RPS6KA1: variants seen among roughly 807,000 people sequenced by gnomAD.
RPS6KA1 encodes ribosomal protein S6 kinase A1.
A neutral mutation model predicts 91.3 loss-of-function variants in RPS6KA1; 48 were observed. That is an observed-to-expected ratio of 0.53 (90% confidence interval 0.42 to 0.67). The LOEUF is 0.67. Among genes scored for constraint, RPS6KA1 ranks in the 30% least tolerant of loss-of-function variants. The pLI is 0.00. For missense variants in RPS6KA1, 719 were observed against 960.5 expected, an observed-to-expected ratio of 0.75 and a Z score of 3.32; for synonymous variants, 359 against 384.7, an observed-to-expected ratio of 0.93 and a Z score of 0.78.
chr1:26,572,071 C>A, intron 19 of RPS6KA1, 105 bp from the exon 20 acceptor site: 1 of 1,308,640 alleles, frequency 7.6e-7, no homozygotes, highest in Non-Finnish European at 1.1e-6. Flanking sequence ...AGGAGCTCTA[C>A]CTTGGGAGTA....
At chr1:26,549,342 G>A (rs2076025629) in intron 4 of RPS6KA1, among the ~76,000 whole-genome samples, 1 of 151,928 alleles carries the variant, frequency 6.6e-6, no homozygotes, top group Admixed American at 6.6e-5. Context: ...AGGCCAAGGT[G>A]GGTGGATCAT....
Position 26,561,021 on chromosome 1 carries a change from G to GCCACATGC in RPS6KA1, c.1342-23_1342-16dup. 6.2e-7 allele frequency: 1 copy of GCCACATGC among 1,610,278 alleles called. No homozygotes were observed. The highest frequency in any genetic ancestry group is 8.5e-7 in the Non-Finnish European group (1 of 1,177,272). ...CCCTGGACCCTGTCACCCTGACACT[G>GCCACATGC]CCACATGCACCCCCTTTCTTCAGGT... On this transcript the variant is annotated intron_variant, in intron 15 of 21. Transcript: ENST00000374168. This position sits in a 1 kb window ranked among gnomAD's most constrained non-coding sequence, Gnocchi z 5.7.
At chr1:26,556,130 A>G (rs1295625810) in intron 11 of RPS6KA1, 2 of 202,320 alleles carry the variant, frequency 9.9e-6, no homozygotes, top group African/African-American at 4.6e-5. Flanking sequence ...GGCTCTGTTG[A>G]TGAAATGAGG....
chr1:26,547,339 C>A lies in RPS6KA1; in HGVS notation c.307+69C>A. 2.2e-6 allele frequency: 3 copies of A among 1,339,770 alleles called. No individual in the cohort carries two copies. The highest frequency in any genetic ancestry group is 3.2e-6 in the Non-Finnish European group (3 of 948,026). The allele number at this position is 1,339,770 out of a possible 1,614,324, so 83.0% of individuals were successfully genotyped here. A position where few individuals can be genotyped will look rare whatever the true frequency, so the allele number is the denominator to read the frequency against. On this transcript the variant is annotated intron_variant, in intron 4 of 21. Transcript: ENST00000374168. This position sits in a 1 kb window ranked among gnomAD's most constrained non-coding sequence, Gnocchi z 4.1. ...GGGAGGCAGCCCAGACTTCAAGGGC[C>A]TTGGGTCTGGCAAGGGAGACAGCTC...
chr1:26,538,525 A>G (rs1570421685), intron 2 of RPS6KA1, among the ~76,000 whole-genome samples: 1 of 152,182 alleles, frequency 6.6e-6, no homozygotes, highest in African/African-American at 2.4e-5. Context: ...CTGGAGATGG[A>G]TGGGACATGG....
chr1:26,571,814 C>T lies in RPS6KA1; in HGVS notation c.1753-35C>T. ...CATCTGTGGCGACTTTCTACTGCCC[C>T]CCCAGACTGACCACCTCCCCTGCCC... On this transcript the variant is annotated intron_variant, in intron 18 of 21. Transcript: ENST00000374168. This position sits in a 1 kb window ranked among gnomAD's most constrained non-coding sequence, Gnocchi z 5.1. The T allele has an allele frequency of 1.3e-6, 2 of 1,596,822 alleles. No individual in the cohort carries two copies. Among genetic ancestry groups the T allele is most frequent in the South Asian group, 1.1e-5 (1 of 90,264 alleles).
At chr1:26,531,007 A>G in intron 1 of RPS6KA1, 1 of 864,572 alleles carries the variant, frequency 1.2e-6, no homozygotes, top group Non-Finnish European at 1.5e-6. Context: ...TTGGGCCTGG[A>G]GCCCCTGTCT....
At chr1:26,530,820 C>G (rs2075862055) in intron 1 of RPS6KA1, 1 of 1,288,684 alleles carries the variant, frequency 7.8e-7, no homozygotes, top group Admixed American at 2.3e-5. Flanking sequence ...CTTCCTGTGC[C>G]TTTTGACCCC....
intron 17 of RPS6KA1, among the ~76,000 whole-genome samples, chr1:26,565,821 C>T (rs952822295): frequency 3.3e-5 from 5 of 152,196 alleles, no homozygotes; most frequent in Non-Finnish European, 7.3e-5. Context: ...CTCGGCCTCC[C>T]AAAGTGCTGG....
At chr1:26,560,689 G>C in intron 14 of RPS6KA1, 37 bp from the exon 15 acceptor site, 1 of 1,613,784 alleles carries the variant, frequency 6.2e-7, no homozygotes, top group Non-Finnish European at 8.5e-7. Flanking sequence ...TAGCACTCTA[G>C]AGCCAGGGGT....
intron 19 of RPS6KA1, 29 bp from the exon 20 acceptor site, chr1:26,572,147 G>A: frequency 1.3e-6 from 2 of 1,584,636 alleles, no homozygotes; most frequent in Non-Finnish European, 1.7e-6. Context: ...GCCAGAGTCT[G>A]TACCCAGACC....
rs1219724659 is a variant in RPS6KA1 at position 26,558,333 on chromosome 1, G to C, written c.1085-474G>C. On this transcript the variant is annotated intron_variant, in intron 13 of 21. Coordinates refer to ENST00000374168, the MANE Select transcript of RPS6KA1 (RefSeq NM_002953.4). This position sits in a 1 kb window ranked among gnomAD's most constrained non-coding sequence, Gnocchi z 4.0. Reference sequence around the variant, plus strand: ...CTAAGGATCTGAGAAGTCCAACATGGCTCAGCTGTGGTATGGAGAGAGAGG... The same window carrying C: ...CTAAGGATCTGAGAAGTCCAACATGCCTCAGCTGTGGTATGGAGAGAGAGG... Among the ~76,000 whole-genome samples, 1 of 152,198 alleles carries C rather than the reference G, an allele frequency of 6.6e-6. No individual in the cohort carries two copies. Among genetic ancestry groups the C allele is most frequent in the Non-Finnish European group, 1.5e-5 (1 of 68,034 alleles).
At position 26,551,435 on chromosome 1, in the gene RPS6KA1, C is replaced by T; in HGVS notation, c.346C>T (p.Leu116=). ...CCGGACCAAGATGGAGAGAGACATCCTGGCTGATGTAAATCACCCATTCGT... is the reference window on the plus strand; with the variant it reads ...CCGGACCAAGATGGAGAGAGACATCTTGGCTGATGTAAATCACCCATTCGT... ...RVRTKMERDI[L]ADVNHPFVVK... The change falls in exon 5 of 22, where the codon CTG becomes TTG. Residue 116 remains leucine (L), a synonymous_variant. Coordinates refer to ENST00000374168, the MANE Select transcript of RPS6KA1 (RefSeq NM_002953.4). This position sits in a 1 kb window ranked among gnomAD's most constrained non-coding sequence, Gnocchi z 4.5. The T allele has an allele frequency of 1.2e-6, 2 of 1,614,184 alleles. No homozygotes were observed. The highest frequency in any genetic ancestry group is 2.2e-5 in the South Asian group (2 of 91,080).
chr1:26,548,132 G>T (rs1354929046), intron 4 of RPS6KA1, among the ~76,000 whole-genome samples: 1 of 152,140 alleles, frequency 6.6e-6, no homozygotes, highest in African/African-American at 2.4e-5. Flanking sequence ...GGTGGCTTTG[G>T]TATCCTAAGG....
At chr1:26,541,154 T>G (rs2075944000) in intron 2 of RPS6KA1, among the ~76,000 whole-genome samples, 1 of 151,164 alleles carries the variant, frequency 6.6e-6, no homozygotes, top group Non-Finnish European at 1.5e-5. Context: ...CCCAGCTTAC[T>G]CCATAGGCTG....
At chr1:26,542,005 C>A (rs1202392306) in intron 2 of RPS6KA1, among the ~76,000 whole-genome samples, 1 of 152,190 alleles carries the variant, frequency 6.6e-6, no homozygotes, top group South Asian at 2.1e-4. Flanking sequence ...TGTCCTCCCC[C>A]CGCCCGCCAC....
Position 26,558,017 on chromosome 1 carries a change from C to CG in RPS6KA1, c.1085-786dup, listed in dbSNP as rs945331576. Among the ~76,000 whole-genome samples, 2 of 151,690 alleles carry CG rather than the reference C, an allele frequency of 1.3e-5. No individual in the cohort carries two copies. The highest frequency in any genetic ancestry group is 1.3e-4 in the Admixed American group (2 of 15,188). The stretch of plus-strand genomic sequence containing the variant: ...CTAATTTTTGTATTTTTAGTAGAGA[C>CG]GGGGTTTCACCATGTTGGCCAGGCT... On this transcript the variant is annotated intron_variant, in intron 13 of 21. Transcript: ENST00000374168. This position sits in a 1 kb window ranked among gnomAD's most constrained non-coding sequence, Gnocchi z 4.0.
At position 26,558,152 on chromosome 1, in the gene RPS6KA1, G is replaced by A. The variant is rs1207194679; in HGVS notation, c.1085-655G>A. 1.3e-5 allele frequency among the ~76,000 whole-genome samples: 2 copies of A among 152,170 alleles called. No homozygotes were observed. Among genetic ancestry groups the A allele is most frequent in the East Asian group, 1.9e-4 (1 of 5,186 alleles). ...TTCTCCAAGCAGTCCGCTGGGCAAC[G>A]TGACAAGTGCAGCTTCGTAGGAGTC... On this transcript the variant is annotated intron_variant, in intron 13 of 21. Coordinates refer to ENST00000374168, the MANE Select transcript of RPS6KA1 (RefSeq NM_002953.4). The surrounding 1 kb of genome is among the most constrained non-coding windows in gnomAD (Gnocchi z 4.0).
chr1:26,545,304 G>A (rs1192796722), intron 2 of RPS6KA1, among the ~76,000 whole-genome samples: 1 of 150,850 alleles, frequency 6.6e-6, no homozygotes, highest in African/African-American at 2.4e-5. Context: ...GAATAGCTGG[G>A]ACTACAGGAG....
Sources: gnomAD v4.1 joint callset for allele counts (sites outside exome capture counted in the v4.1 genomes callset) on GRCh38, gnomAD v4.1.1 for gene constraint, Gnocchi (gnomAD v3.1) non-coding constraint, MANE v1.5 for transcripts, NCBI Gene and HGNC (gene_info 2026-07-23, HGNC 2026-07-21) for gene names.